Variants in CHD9 observed in about 807,000 individuals in gnomAD.
The protein encoded by CHD9 is chromodomain helicase DNA binding protein 9, also known as ATP-dependent chromatin remodeler CHD9.
A neutral mutation model predicts 316.1 loss-of-function variants in CHD9; 77 were observed. The ratio of observed to expected loss-of-function variants is 0.24; its 90% confidence interval spans 0.20 to 0.29. The LOEUF (loss-of-function observed/expected upper bound fraction) is 0.29. Ranked by LOEUF, CHD9 falls within the 10% of genes least tolerant of loss-of-function variation. CHD9 has a pLI of 1.00. For missense variants in CHD9, 2,763 were observed against 3,438.1 expected, an observed-to-expected ratio of 0.80 and a Z score of 4.91; for synonymous variants, 1,129 against 1,158.3, an observed-to-expected ratio of 0.97 and a Z score of 0.51.
intron 3 of CHD9, among the ~76,000 whole-genome samples, chr16:53,210,818 A>C (rs953543037): frequency 6.6e-6 from 1 of 152,104 alleles, no homozygotes; most frequent in Non-Finnish European, 1.5e-5. Context: ...CCGCCAAATT[A>C]TTTAGTTTGG....
rs535900617 is a variant in CHD9 at position 53,203,381 on chromosome 16, CTTG to C, written c.1453-6095_1453-6093del. Among the ~76,000 whole-genome samples, 72 of 152,280 alleles carry C rather than the reference CTTG, an allele frequency of 4.7e-4. 2 individuals carry two copies. The South Asian group carries it at 0.013, about 28-fold the overall frequency. On this transcript the variant is annotated intron_variant, in intron 2 of 38. Coordinates refer to ENST00000447540, the MANE Select transcript of CHD9 (RefSeq NM_001308319.2). ...ACTTACCTTACCATTCTTGCATTTT[CTTG>C]TTGTTTTCCTTCAATAGCTCCTCTT...
chr16:53,255,173 A>G (rs1402728507), intron 18 of CHD9, among the ~76,000 whole-genome samples: 3 of 152,006 alleles, frequency 2.0e-5, no homozygotes, highest in African/African-American at 4.8e-5. Flanking sequence ...GCTGGGCATA[A>G]TGGTGCATGC....
chr16:53,237,700 C>T (rs2048746978), intron 11 of CHD9, among the ~76,000 whole-genome samples: 1 of 152,154 alleles, frequency 6.6e-6, no homozygotes, highest in African/African-American at 2.4e-5. Flanking sequence ...TTTTGAGCCT[C>T]CATAATAAAC....
At chr16:53,320,227 G>C (rs943444324) in intron 37 of CHD9, among the ~76,000 whole-genome samples, 2 of 149,064 alleles carry the variant, frequency 1.3e-5, no homozygotes, top group Non-Finnish European at 3.0e-5. Context: ...GAAATACCAT[G>C]TAAGAATACT....
chr16:53,065,033 G>T (rs970852069), intron 1 of CHD9, among the ~76,000 whole-genome samples: 4 of 152,068 alleles, frequency 2.6e-5, no homozygotes, highest in African/African-American at 9.7e-5. Flanking sequence ...AATCACAAGG[G>T]GAGAAGCAAC....
chr16:53,100,691 C>G (rs1353281252), intron 1 of CHD9, among the ~76,000 whole-genome samples: 1 of 152,158 alleles, frequency 6.6e-6, no homozygotes. Flanking sequence ...AACTCCTGGG[C>G]TCAAGCAATC....
intron 2 of CHD9, among the ~76,000 whole-genome samples, chr16:53,189,268 A>G (rs1390941041): frequency 6.6e-6 from 1 of 152,054 alleles, no homozygotes; most frequent in Non-Finnish European, 1.5e-5. Flanking sequence ...TCAGTCTTTC[A>G]CCATTAAGTA....
intron 13 of CHD9, 128 bp downstream of exon 13, chr16:53,243,144 T>C: frequency 1.7e-6 from 1 of 601,440 alleles, no homozygotes; most frequent in Non-Finnish European, 2.7e-6. Context: ...TTATCTGTGA[T>C]AATTGAGATT....
intron 2 of CHD9, among the ~76,000 whole-genome samples, chr16:53,170,819 G>C (rs948780645): frequency 6.6e-6 from 1 of 152,002 alleles, no homozygotes; most frequent in Non-Finnish European, 1.5e-5. Flanking sequence ...GATATTCTAA[G>C]ACAGCTTTGT....
intron 29 of CHD9, among the ~76,000 whole-genome samples, chr16:53,294,995 C>T (rs796957566): frequency 5.9e-5 from 9 of 152,300 alleles, no homozygotes; most frequent in African/African-American, 1.9e-4. Context: ...TTCCCTCAGC[C>T]AGAGTGCCCT....
rs1474293729 is a variant in CHD9 at position 53,222,723 on chromosome 16, C to T, written c.1864C>T (p.Pro622Ser). The T allele has an allele frequency of 6.4e-7, 1 of 1,565,610 alleles. No homozygotes were observed. Among genetic ancestry groups the T allele is most frequent in the South Asian group, 1.2e-5 (1 of 85,234 alleles). ...SDEISDAEQM[P>S]QHTLKDQDSQ... ...TGAAATATCTGATGCAGAACAGATGCCACAGCATACATTAAAAGATCAAGA... is the reference window on the plus strand; with the variant it reads ...TGAAATATCTGATGCAGAACAGATGTCACAGCATACATTAAAAGATCAAGA... Residue 622 changes from proline to serine, a missense_variant, in exon 4 of 39, where the codon CCA (proline) becomes TCA (serine). Transcript: ENST00000447540.
At position 53,105,822 on chromosome 16, in the gene CHD9, C is replaced by CT. The variant is rs200467105; in HGVS notation, c.-164-50086dup. On this transcript the variant is annotated intron_variant, in intron 1 of 38. Transcript: ENST00000447540. Reference sequence around the variant, plus strand: ...TCTCTGGTCACAACAATGATAAGAACTTTTTTTTTTTTTTTTTTGAGACTG... The same window carrying CT: ...TCTCTGGTCACAACAATGATAAGAACTTTTTTTTTTTTTTTTTTTGAGACTG... Among the ~76,000 whole-genome samples the CT allele has an allele frequency of 3.6e-3, 495 of 136,838 alleles. 1 individual carries two copies. Among genetic ancestry groups the CT allele is most frequent in the Middle Eastern group, 7.7e-3 (2 of 260 alleles). 89.8% of individuals were successfully genotyped at this position (136,838 alleles called of 152,430 possible). A position where few individuals can be genotyped will look rare whatever the true frequency, so the allele number is the denominator to read the frequency against.
chr16:53,057,694 G>A (rs1015725991), intron 1 of CHD9, among the ~76,000 whole-genome samples: 2 of 151,928 alleles, frequency 1.3e-5, no homozygotes, highest in African/African-American at 4.8e-5. Context: ...TAATGTCTGC[G>A]TAACTTCCAA....
At position 53,238,237 on chromosome 16, in the gene CHD9, T is replaced by G. The variant is rs2048795993; in HGVS notation, c.2634-106T>G. ...CACTTAAGCAACTTTTACATTTTTA[T>G]AAATGCAACTATTTTATTTGATCTT... On this transcript the variant is annotated intron_variant, in intron 11 of 38. Coordinates refer to ENST00000447540, the MANE Select transcript of CHD9 (RefSeq NM_001308319.2). 3.7e-6 allele frequency: 4 copies of G among 1,085,766 alleles called. No homozygotes were observed. The East Asian group carries it at 1.1e-4, about 29-fold the overall frequency. 67.3% of individuals were successfully genotyped at this position (1,085,766 alleles called of 1,614,324 possible). A position where few individuals can be genotyped will look rare whatever the true frequency, so the allele number is the denominator to read the frequency against.
intron 10 of CHD9, among the ~76,000 whole-genome samples, chr16:53,233,288 A>G (rs1328643513): frequency 6.6e-6 from 1 of 152,168 alleles, no homozygotes; most frequent in African/African-American, 2.4e-5. Context: ...AAGACATTCA[A>G]GTTTTACCGG....
At chr16:53,198,589 G>A (rs906198003) in intron 2 of CHD9, among the ~76,000 whole-genome samples, 5 of 151,572 alleles carry the variant, frequency 3.3e-5, no homozygotes, top group African/African-American at 7.3e-5. Context: ...GCCTCCCAAA[G>A]TGCTAGGATT....
intron 1 of CHD9, among the ~76,000 whole-genome samples, chr16:53,086,535 A>G (rs891145877): frequency 6.6e-6 from 1 of 152,204 alleles, no homozygotes; most frequent in Non-Finnish European, 1.5e-5. Flanking sequence ...TGGAAGGTCC[A>G]GGTTCAGCTC....
intron 1 of CHD9, among the ~76,000 whole-genome samples, chr16:53,126,099 G>T (rs1689042960): frequency 6.6e-6 from 1 of 152,116 alleles, no homozygotes; most frequent in African/African-American, 2.4e-5. Flanking sequence ...TGCTTTTGGT[G>T]TCATATGAAG....
chr16:53,131,074 G>GCCGCCGCTGCCGCCCACCGC (rs1555488325), intron 1 of CHD9: 1 of 148,294 alleles, frequency 6.7e-6, no homozygotes, highest in Non-Finnish European at 1.5e-5. Flanking sequence ...TGCCGCCGCC[G>GCCGCCGCTGCCGCCCACCGC]CCGCCGCTGC....
Sources: allele counts gnomAD v4.1 joint callset (sites outside exome capture counted in the v4.1 genomes callset), GRCh38; gene constraint gnomAD v4.1.1; transcripts MANE v1.5; gene names NCBI Gene and HGNC (gene_info 2026-07-23, HGNC 2026-07-21).